The following ZNF544 variants were observed in gnomAD, a reference collection of about 807,000 sequenced individuals.
ZNF544 encodes the protein zinc finger protein 544, also known as zinc finger protein AF020591.
Under a neutral mutation model 13.5 loss-of-function variants are expected in ZNF544, and 10 were observed. The ratio of observed to expected loss-of-function variants is 0.74; its 90% confidence interval spans 0.46 to 1.25. The LOEUF (loss-of-function observed/expected upper bound fraction) is 1.25. Among genes scored for constraint, ZNF544 ranks in the 50% most tolerant of loss-of-function variants. The pLI, the probability that ZNF544 is intolerant of heterozygous loss-of-function variation, is 0.00. For synonymous variants in ZNF544, 323 were observed against 300.5 expected (o/e 1.07, Z -0.77); for missense variants, 896 against 845.6 (o/e 1.06, Z -0.74).
chr19:58,255,508 A>C (rs260452), intron 6 of ZNF544, among the ~76,000 whole-genome samples: 77,339 of 152,020 alleles, frequency 0.51, 19,869 homozygotes, highest in Middle Eastern at 0.62. Flanking sequence ...AGATTCAGGG[A>C]AAGCAAATTG....
rs2049190391 is a variant in ZNF544, at chr19:58,262,492, A to ATT, written c.1886_1887insTT (p.Glu629AspfsTer2). 6.2e-7 allele frequency: 1 copy of ATT among 1,614,086 alleles called. No homozygotes were observed. Among genetic ancestry groups the ATT allele is most frequent in the African/African-American group, 1.3e-5 (1 of 74,928 alleles). On this transcript the variant is annotated frameshift_variant, in exon 7 of 7. Coordinates refer to ENST00000687789, the MANE Select transcript of ZNF544 (RefSeq NM_014480.4). LOFTEE classifies it low-confidence loss of function (END_TRUNC). Reference sequence around the variant, plus strand: ...AGGCATCTGCAAATTCACACTGGGGAGAAGCCGTACAAATGCAATCAGTGC... The same window carrying ATT: ...AGGCATCTGCAAATTCACACTGGGGATTGAAGCCGTACAAATGCAATCAGTGC...
intron 6 of ZNF544, among the ~76,000 whole-genome samples, chr19:58,253,760 A>G (rs145552814): frequency 2.2e-3 from 338 of 152,308 alleles, no homozygotes; most frequent in Non-Finnish European, 4.0e-3. Flanking sequence ...CATTTGTCAA[A>G]GAAAGCATAC....
chr19:58,242,071 G>GT (rs1238604041), intron 3 of ZNF544: 1 of 183,250 alleles, frequency 5.5e-6, no homozygotes, highest in Non-Finnish European at 1.0e-5. Context: ...AGAATTCAGC[G>GT]TAGGAAAGGA....
chr19:58,253,097 C>G (rs948935829), intron 6 of ZNF544, among the ~76,000 whole-genome samples: 4 of 152,180 alleles, frequency 2.6e-5, no homozygotes, highest in Admixed American at 6.5e-5. Flanking sequence ...GGATTATAGG[C>G]GTGAGCCACC....
At chr19:58,272,440 C>A (rs1415995623) in intron 5 of ZNF544, among the ~76,000 whole-genome samples, 1 of 152,092 alleles carries the variant, frequency 6.6e-6, no homozygotes, top group Non-Finnish European at 1.5e-5. Flanking sequence ...GCCTGTTGTT[C>A]CAGCTACTCA....
chr19:58,235,635 A>G (rs1002700237), intron 3 of ZNF544, among the ~76,000 whole-genome samples: 1 of 152,256 alleles, frequency 6.6e-6, no homozygotes, highest in Non-Finnish European at 1.5e-5. Context: ...ATGTGAATGC[A>G]TATGTTAATT....
At chr19:58,273,719 A>G (rs949903536) in intron 5 of ZNF544, among the ~76,000 whole-genome samples, 2 of 151,178 alleles carry the variant, frequency 1.3e-5, no homozygotes, top group African/African-American at 4.9e-5. Flanking sequence ...TATTCTGTAG[A>G]CAAGTGTGTC....
rs776957584 is a variant in ZNF544, at chr19:58,261,145, C to CA, written c.541dup (p.Ser181LysfsTer6). 1 of 1,614,152 alleles carries CA rather than the reference C, an allele frequency of 6.2e-7. No individual in the cohort carries two copies. Among genetic ancestry groups the CA allele is most frequent in the Non-Finnish European group, 8.5e-7 (1 of 1,180,030 alleles). On this transcript the variant is annotated frameshift_variant, in exon 7 of 7. Coordinates refer to ENST00000687789, the MANE Select transcript of ZNF544 (RefSeq NM_014480.4). LOFTEE classifies it low-confidence loss of function (END_TRUNC). ...AGCCTTCTACCTACAACATTACCTA[C>CA]AAGTACAGGTTTCCCTAAGCCCAAC...
intron 6 of ZNF544, among the ~76,000 whole-genome samples, chr19:58,250,226 T>C (rs2046076723): frequency 2.0e-5 from 3 of 152,330 alleles, no homozygotes; most frequent in South Asian, 4.1e-4. Flanking sequence ...CCTATGAAGG[T>C]GGCCCCAGTT....
chr19:58,251,750 G>T (rs142526360), intron 6 of ZNF544, among the ~76,000 whole-genome samples: 13 of 152,278 alleles, frequency 8.5e-5, no homozygotes, highest in Non-Finnish European at 1.5e-4. Flanking sequence ...GGGAATTATG[G>T]ATTCTTAAGA....
chr19:58,253,923 T>C lies in ZNF544; in HGVS notation c.245-6928T>C, dbSNP rs2046738945. On this transcript the variant is annotated intron_variant, in intron 6 of 6. Transcript: ENST00000687789. ...TTCTATTTTCATTTTACCAATAATT[T>C]TAAAGCCAACTTCTTTAGTAAAGAT... 2.0e-5 allele frequency among the ~76,000 whole-genome samples: 3 copies of C among 152,224 alleles called. No individual in the cohort carries two copies. In the South Asian group the frequency reaches 6.2e-4, roughly 32 times the overall value.
chr19:58,242,517 C>A (rs1198431840), intron 3 of ZNF544, among the ~76,000 whole-genome samples: 1 of 147,588 alleles, frequency 6.8e-6, no homozygotes, highest in Admixed American at 6.8e-5. Context: ...GGAGTTGTTT[C>A]GCTTTTTTTT....
In ZNF544 at chr19:58,261,455, GTC is replaced by G. The variant is rs1364292219; in HGVS notation, c.853_854del (p.Leu285GlufsTer2). ...ATGGAAACCTCTTCAGTCACAGTGTGTCTCTGAATGAACAGAAGCCAGTGCAT... is the reference window on the plus strand; with the variant it reads ...ATGGAAACCTCTTCAGTCACAGTGTGTCTGAATGAACAGAAGCCAGTGCAT... ...DYGNLFSHSV[S>X]LNEQKPVHFG... is the part of the protein sequence containing the mutation. On this transcript the variant is annotated frameshift_variant, in exon 7 of 7. Transcript: ENST00000687789. LOFTEE classifies it low-confidence loss of function (END_TRUNC). 1 of 1,614,214 alleles carries G rather than the reference GTC, an allele frequency of 6.2e-7. No individual in the cohort carries two copies. The highest frequency in any genetic ancestry group is 1.3e-5 in the African/African-American group (1 of 75,056).
At chr19:58,238,808 A>G (rs1271625561) in intron 3 of ZNF544, among the ~76,000 whole-genome samples, 2 of 151,858 alleles carry the variant, frequency 1.3e-5, no homozygotes, top group African/African-American at 2.4e-5. Context: ...GTAGGGTCAC[A>G]TATTCACAGG....
rs2048976124 is a variant in ZNF544, at chr19:58,261,654, A to G, written c.1048A>G (p.Thr350Ala). The G allele has an allele frequency of 6.2e-7, 1 of 1,614,254 alleles. No individual in the cohort carries two copies. ...SFSDCNIIQTTEKPSVCNQCG... is the reference protein window; with the variant it reads ...SFSDCNIIQTAEKPSVCNQCG... ...TTCTGACTGTAACATCATTCAGACTACAGAGAAGCCATCTGTGTGTAATCA... is the reference window on the plus strand; with the variant it reads ...TTCTGACTGTAACATCATTCAGACTGCAGAGAAGCCATCTGTGTGTAATCA... The change falls in exon 7 of 7, where the codon ACA (threonine) becomes GCA (alanine). Residue 350 changes from threonine (T) to alanine (A), a missense_variant. Thr to Ala is a moderately conservative substitution (Grantham distance 58). Coordinates refer to ENST00000687789, the MANE Select transcript of ZNF544 (RefSeq NM_014480.4).
chr19:58,262,247 G>GT lies in ZNF544; in HGVS notation c.1642dup (p.Tyr548LeufsTer5), dbSNP rs756827540. 29 of 1,613,582 alleles carry GT rather than the reference G, an allele frequency of 1.8e-5. No homozygotes were observed. The highest frequency in any genetic ancestry group is 3.3e-5 in the Admixed American group (2 of 59,928). ...AGCGAATTCACACTGGAGAAAAACC[G>GT]TATCAGTGTATTGAATGTGGGAAAT... On this transcript the variant is annotated frameshift_variant, in exon 7 of 7. Coordinates refer to ENST00000687789, the MANE Select transcript of ZNF544 (RefSeq NM_014480.4). LOFTEE classifies it low-confidence loss of function (END_TRUNC).
At position 58,246,795 on chromosome 19, in the gene ZNF544, G is replaced by A. The variant is rs151312459; in HGVS notation, c.244+1G>A. ...AGGGCAGAGCAGGAGGCCCCCCGAG[G>A]TAAGAGCAGACCTTGTGGTGAGCAG... is the stretch of plus-strand genomic sequence containing the variant. On this transcript the variant is annotated splice_donor_variant, in intron 6 of 6. Transcript: ENST00000687789. LOFTEE classifies it high-confidence loss of function. The A allele has an allele frequency of 1.7e-4, 280 of 1,613,800 alleles. No homozygotes were observed. The highest frequency in any genetic ancestry group is 2.3e-4 in the Non-Finnish European group (277 of 1,179,840).
At chr19:58,269,308 G>A (rs370249433) in intron 5 of ZNF544, among the ~76,000 whole-genome samples, 18 of 152,214 alleles carry the variant, frequency 1.2e-4, no homozygotes, top group East Asian at 3.9e-4. Flanking sequence ...GGTGGCAGCC[G>A]CCTATAATCC....
Position 58,262,587 on chromosome 19 carries a change from G to A in ZNF544, c.1981G>A (p.Glu661Lys), listed in dbSNP as rs1234307277. The A allele has an allele frequency of 6.2e-7, 1 of 1,614,190 alleles. No homozygotes were observed. ...QRTHTGEKPFECSQCGKAFSG... is the reference protein window; with the variant it reads ...QRTHTGEKPFKCSQCGKAFSG... ...AACTCACACTGGTGAGAAACCTTTTGAGTGTAGTCAGTGTGGGAAAGCCTT... is the reference window on the plus strand; with the variant it reads ...AACTCACACTGGTGAGAAACCTTTTAAGTGTAGTCAGTGTGGGAAAGCCTT... Residue 661 changes from glutamate to lysine, a missense_variant, in exon 7 of 7, where the codon GAG becomes AAG. Transcript: ENST00000687789.
Sources: allele counts gnomAD v4.1 joint callset (sites outside exome capture counted in the v4.1 genomes callset), GRCh38; gene constraint gnomAD v4.1.1; transcripts MANE v1.5; gene names NCBI Gene and HGNC (gene_info 2026-07-23, HGNC 2026-07-21).